Variants in CPNE8 observed in about 807,000 individuals in gnomAD.
CPNE8 encodes copine-8.
In CPNE8, 45 loss-of-function variants were observed where a neutral mutation model predicts 81.5. The ratio of observed to expected loss-of-function variants is 0.55; its 90% confidence interval spans 0.44 to 0.71. The LOEUF (loss-of-function observed/expected upper bound fraction) is 0.71. CPNE8 is among the 30% of genes least tolerant of loss of function. CPNE8 has a pLI of 0.00. For missense variants in CPNE8, 594 were observed against 672.1 expected, an observed-to-expected ratio of 0.88 and a Z score of 1.28; for synonymous variants, 252 against 226.3, an observed-to-expected ratio of 1.11 and a Z score of -1.02.
In CPNE8 at chr12:38,842,491, A is replaced by T. The variant is rs181035478; in HGVS notation, c.291-2536T>A. ...AAAGCTTTTTAAATACCATTATCTC[A>T]TAGGTAATTTACATGATATACCTGA... is the stretch of plus-strand genomic sequence containing the variant. On this transcript the variant is annotated intron_variant, in intron 4 of 19. Coordinates refer to ENST00000331366, the MANE Select transcript of CPNE8 (RefSeq NM_153634.3). Among the ~76,000 whole-genome samples the T allele has an allele frequency of 2.5e-4, 38 of 152,036 alleles. No individual in the cohort carries two copies. The East Asian group carries it at 6.8e-3, about 27-fold the overall frequency.
In CPNE8 at chr12:38,785,888, C is replaced by T. The variant is rs773119968; in HGVS notation, c.408-9587G>A. ...ATAATATCTGCAAGCCTCTTAGTAA[C>T]CACAAACAAGAAAATACAAGAGATA... is the stretch of plus-strand genomic sequence containing the variant. On this transcript the variant is annotated intron_variant, in intron 6 of 19. Coordinates refer to ENST00000331366, the MANE Select transcript of CPNE8 (RefSeq NM_153634.3). Among the ~76,000 whole-genome samples the T allele has an allele frequency of 5.3e-5, 8 of 151,514 alleles. No homozygotes were observed. In the South Asian group the frequency reaches 1.0e-3, roughly 20 times the overall value.
chr12:38,780,056 A>G lies in CPNE8; in HGVS notation c.408-3755T>C, dbSNP rs533970195. The stretch of plus-strand genomic sequence containing the variant: ...TTTCATTGTTTCTGGTCTTATGTTT[A>G]GGTCTTTTACCCATTTTGAGCTGAT... On this transcript the variant is annotated intron_variant, in intron 6 of 19. Transcript: ENST00000331366. Among the ~76,000 whole-genome samples the G allele has an allele frequency of 2.2e-4, 34 of 152,174 alleles. No individual in the cohort carries two copies. The East Asian group carries it at 6.6e-3, about 29-fold the overall frequency.
chr12:38,778,848 A>AGC (rs1941987968), intron 6 of CPNE8, among the ~76,000 whole-genome samples: 1 of 152,168 alleles, frequency 6.6e-6, no homozygotes, highest in Non-Finnish European at 1.5e-5. Context: ...TAAGTATGTA[A>AGC]TATACAGTCA....
intron 5 of CPNE8, among the ~76,000 whole-genome samples, chr12:38,830,965 A>G (rs1943276836): frequency 6.6e-6 from 1 of 152,322 alleles, no homozygotes; most frequent in South Asian, 2.1e-4. Context: ...ACCAAGCCAC[A>G]AAAGTAAAAA....
intron 10 of CPNE8, among the ~76,000 whole-genome samples, chr12:38,735,741 A>T (rs544698615): frequency 1.3e-5 from 2 of 152,144 alleles, no homozygotes; most frequent in East Asian, 3.9e-4. Flanking sequence ...GTATTCCTAG[A>T]TTATGAGCCA....
At chr12:38,766,225 G>T (rs1403090835) in intron 8 of CPNE8, among the ~76,000 whole-genome samples, 1 of 152,082 alleles carries the variant, frequency 6.6e-6, no homozygotes, top group East Asian at 1.9e-4. Flanking sequence ...TTAGATGTGT[G>T]ATAAAGTGAA....
At chr12:38,694,840 A>G (rs933871284) in intron 14 of CPNE8, among the ~76,000 whole-genome samples, 4 of 152,220 alleles carry the variant, frequency 2.6e-5, no homozygotes, top group African/African-American at 9.6e-5. Flanking sequence ...GAAAAGCCTC[A>G]GGACATAGTT....
intron 13 of CPNE8, among the ~76,000 whole-genome samples, chr12:38,717,827 A>G (rs1318158733): frequency 6.6e-6 from 1 of 151,912 alleles, no homozygotes; most frequent in Non-Finnish European, 1.5e-5. Context: ...ATAAGCCTGG[A>G]AGTCAGAAAA....
At chr12:38,725,738 T>C (rs545953464) in intron 11 of CPNE8, among the ~76,000 whole-genome samples, 2 of 152,330 alleles carry the variant, frequency 1.3e-5, no homozygotes, top group South Asian at 4.1e-4. Context: ...CCAGGTTGGC[T>C]GGGGCAGAGA....
intron 6 of CPNE8, among the ~76,000 whole-genome samples, chr12:38,795,760 T>C (rs116429073): frequency 0.02 from 2,979 of 152,194 alleles, 97 homozygotes; most frequent in African/African-American, 0.068. Context: ...AGTTTCAGTT[T>C]TGTAAGATGA....
chr12:38,793,838 G>A (rs1439812808), intron 6 of CPNE8, among the ~76,000 whole-genome samples: 1 of 151,982 alleles, frequency 6.6e-6, no homozygotes, highest in Non-Finnish European at 1.5e-5. Context: ...ACAAGCTACA[G>A]TAATCAAAAT....
At chr12:38,796,686 C>A (rs934805765) in intron 6 of CPNE8, among the ~76,000 whole-genome samples, 17 of 152,114 alleles carry the variant, frequency 1.1e-4, no homozygotes, top group African/African-American at 4.1e-4. Context: ...GAGTGCCACA[C>A]AGTGGGCGCA....
At chr12:38,813,816 A>G (rs982542013) in intron 6 of CPNE8, among the ~76,000 whole-genome samples, 3 of 152,210 alleles carry the variant, frequency 2.0e-5, no homozygotes, top group African/African-American at 7.2e-5. Context: ...AAAACTATCG[A>G]GAGAGCCAGA....
chr12:38,901,531 A>G (rs1352979175), intron 1 of CPNE8, among the ~76,000 whole-genome samples: 1 of 152,254 alleles, frequency 6.6e-6, no homozygotes, highest in Non-Finnish European at 1.5e-5. Context: ...GTATCATTTC[A>G]GCTACAGGCA....
At chr12:38,860,506 C>T (rs866985649) in intron 3 of CPNE8, among the ~76,000 whole-genome samples, 40 of 150,864 alleles carry the variant, frequency 2.7e-4, no homozygotes, top group Non-Finnish European at 2.8e-4. Context: ...TATGAAATTT[C>T]CAAAAATTAA....
intron 6 of CPNE8, among the ~76,000 whole-genome samples, chr12:38,800,807 C>A: frequency 3.3e-5 from 1 of 30,366 alleles, no homozygotes; most frequent in Non-Finnish European, 6.3e-5. Flanking sequence ...CAGAGAAGTG[C>A]TTAAAGGAGC....
At chr12:38,728,226 A>G (rs1376268102) in intron 11 of CPNE8, among the ~76,000 whole-genome samples, 1 of 152,212 alleles carries the variant, frequency 6.6e-6, no homozygotes, top group Non-Finnish European at 1.5e-5. Flanking sequence ...CATAGAAGAA[A>G]GAAGTCGACA....
chr12:38,771,258 C>T (rs1168197899), intron 7 of CPNE8, among the ~76,000 whole-genome samples: 2 of 148,796 alleles, frequency 1.3e-5, no homozygotes, highest in Non-Finnish European at 3.0e-5. Context: ...TCTGGGAGTT[C>T]AAGACCAGCC....
At chr12:38,742,185 A>G (rs937700608) in intron 10 of CPNE8, among the ~76,000 whole-genome samples, 2 of 152,166 alleles carry the variant, frequency 1.3e-5, no homozygotes, top group African/African-American at 4.8e-5. Context: ...TATATACCCA[A>G]AGGATTATAA....
Sources: allele counts gnomAD v4.1 joint callset (sites outside exome capture counted in the v4.1 genomes callset), GRCh38; gene constraint gnomAD v4.1.1; transcripts MANE v1.5; gene names NCBI Gene and HGNC (gene_info 2026-07-23, HGNC 2026-07-21).